KCNQ3: variants seen among roughly 807,000 people sequenced by gnomAD.
KCNQ3 encodes potassium voltage-gated channel subfamily Q member 3, also known as potassium voltage-gated channel subfamily KQT member 3.
In KCNQ3, 30 loss-of-function variants were observed where a neutral mutation model predicts 92.5. The ratio of observed to expected loss-of-function variants is 0.32; its 90% CI spans 0.24 to 0.44. The LOEUF (loss-of-function observed/expected upper bound fraction) is 0.44, where lower values mean the gene tolerates loss of function less well. Ranked by LOEUF, KCNQ3 falls within the 20% of genes least tolerant of loss-of-function variation. The probability of loss-of-function intolerance (pLI) is 1.00; values close to 1 mark genes in which losing one functional copy is unlikely to be tolerated. For missense variants in KCNQ3, 913 were observed against 1,140.3 expected (o/e 0.80, Z 2.87); for synonymous variants, 450 against 468.8 (o/e 0.96, Z 0.52).
At chr8:132,432,095 T>A (rs2673593) in intron 1 of KCNQ3, among the ~76,000 whole-genome samples, 1 of 151,980 alleles carries the variant, frequency 6.6e-6, no homozygotes, top group Non-Finnish European at 1.5e-5. Context: ...AATTTGATGC[T>A]TGTCCAAAGT....
At chr8:132,181,791 T>C (rs564772270) in intron 3 of KCNQ3, among the ~76,000 whole-genome samples, 77 of 152,200 alleles carry the variant, frequency 5.1e-4, no homozygotes, top group African/African-American at 1.3e-3. Context: ...CAGTGTCTCA[T>C]GCCTGTAATC....
chr8:132,155,866 T>C (rs192803481), intron 9 of KCNQ3, among the ~76,000 whole-genome samples: 1 of 152,304 alleles, frequency 6.6e-6, no homozygotes, highest in Non-Finnish European at 1.5e-5. Flanking sequence ...AGCAGGATTG[T>C]GATTGGACTG....
intron 1 of KCNQ3, among the ~76,000 whole-genome samples, chr8:132,203,076 G>T (rs1827511321): frequency 6.6e-6 from 1 of 152,148 alleles, no homozygotes; most frequent in East Asian, 1.9e-4. Flanking sequence ...CCATCCCAAG[G>T]TGAGAGGGAG....
At chr8:132,185,745 A>G (rs1401996157) in intron 2 of KCNQ3, among the ~76,000 whole-genome samples, 1 of 152,246 alleles carries the variant, frequency 6.6e-6, no homozygotes, top group African/African-American at 2.4e-5. Flanking sequence ...AGGAAGAAAA[A>G]GCAGAGACAG....
intron 1 of KCNQ3, among the ~76,000 whole-genome samples, chr8:132,290,859 G>A (rs1182890262): frequency 6.6e-6 from 1 of 152,170 alleles, no homozygotes; most frequent in African/African-American, 2.4e-5. Flanking sequence ...GAATACTCGA[G>A]TCCTGCAGAT....
At position 132,480,362 on chromosome 8, in the gene KCNQ3, G is replaced by A. The variant is rs758097251; in HGVS notation, c.171C>T (p.Leu57=). 8.8e-6 allele frequency: 14 copies of A among 1,588,256 alleles called. No individual in the cohort carries two copies. Among genetic ancestry groups the A allele is most frequent in the South Asian group, 1.1e-5 (1 of 88,786 alleles). Residue 57 remains leucine, a synonymous_variant, in exon 1 of 15, where the codon CTC becomes CTT. Transcript: ENST00000388996. ...TCCCGTCTTTGTCGGCTCCGGCCCC[G>A]AGCGCCAAGGTGACTTGCTCCACGT... ...PGDVEQVTLA[L]GAGADKDGTL...
At chr8:132,173,585 G>T (rs753547837) in intron 6 of KCNQ3, among the ~76,000 whole-genome samples, 1 of 152,110 alleles carries the variant, frequency 6.6e-6, no homozygotes. Flanking sequence ...TTGAAAAATT[G>T]AGATAAAAAC....
intron 1 of KCNQ3, among the ~76,000 whole-genome samples, chr8:132,200,675 G>A (rs1827431306): frequency 6.6e-6 from 1 of 152,152 alleles, no homozygotes; most frequent in Admixed American, 6.5e-5. Flanking sequence ...TATAAATTAC[G>A]AATAAAATTA....
chr8:132,187,833 T>G (rs60441423), intron 1 of KCNQ3, among the ~76,000 whole-genome samples: 8,552 of 75,874 alleles, frequency 0.11, 365 homozygotes, highest in African/African-American at 0.18. Context: ...TGGTGGTGAT[T>G]GTGGTGGTGG....
intron 3 of KCNQ3, among the ~76,000 whole-genome samples, chr8:132,181,566 C>T (rs1361112122): frequency 1.3e-5 from 2 of 151,670 alleles, no homozygotes; most frequent in Admixed American, 1.3e-4. Context: ...TCCAACAGTT[C>T]CAAGGAACAC....
intron 1 of KCNQ3, among the ~76,000 whole-genome samples, chr8:132,407,162 G>C (rs935654562): frequency 1.8e-4 from 27 of 152,166 alleles, no homozygotes; most frequent in Non-Finnish European, 3.8e-4. Context: ...TAGGCAGGAG[G>C]GCAGGGACCC....
At chr8:132,424,190 C>T (rs1018417036) in intron 1 of KCNQ3, among the ~76,000 whole-genome samples, 2 of 151,322 alleles carry the variant, frequency 1.3e-5, no homozygotes, top group Non-Finnish European at 2.9e-5. Flanking sequence ...GAATCAGCTG[C>T]TGCCTCTGAG....
chr8:132,440,511 A>C (rs1563913002), intron 1 of KCNQ3, among the ~76,000 whole-genome samples: 2 of 152,136 alleles, frequency 1.3e-5, no homozygotes, highest in African/African-American at 4.8e-5. Flanking sequence ...ATGTGCCCTG[A>C]AGAGTGAACA....
intron 3 of KCNQ3, among the ~76,000 whole-genome samples, chr8:132,183,439 G>A (rs757394160): frequency 3.9e-5 from 6 of 152,118 alleles, no homozygotes; most frequent in Non-Finnish European, 5.9e-5. Flanking sequence ...CATCAGACAC[G>A]ATGGCAAGCT....
chr8:132,244,827 C>A (rs1815110185), intron 1 of KCNQ3, among the ~76,000 whole-genome samples: 1 of 150,344 alleles, frequency 6.7e-6, no homozygotes, highest in South Asian at 2.1e-4. Context: ...TATTTACTGG[C>A]AGCTCTGGAG....
At chr8:132,170,453 C>T (rs755147978) in intron 7 of KCNQ3, 25 bp from the exon 8 acceptor site, 1 of 1,489,950 alleles carries the variant, frequency 6.7e-7, no homozygotes, top group Non-Finnish European at 9.4e-7. Context: ...AGAGGGGCAA[C>T]AATGAGTGGG....
At chr8:132,273,281 G>A (rs1457242782) in intron 1 of KCNQ3, among the ~76,000 whole-genome samples, 1 of 152,194 alleles carries the variant, frequency 6.6e-6, no homozygotes, top group Admixed American at 6.5e-5. Context: ...CTTGACTTCT[G>A]TGCACCCACA....
At chr8:132,424,887 A>G (rs1042011429) in intron 1 of KCNQ3, among the ~76,000 whole-genome samples, 1 of 152,202 alleles carries the variant, frequency 6.6e-6, no homozygotes, top group African/African-American at 2.4e-5. Flanking sequence ...TTTAGAGCCC[A>G]CCAGGTACAT....
chr8:132,360,129 T>A (rs1819125398), intron 1 of KCNQ3, among the ~76,000 whole-genome samples: 1 of 152,086 alleles, frequency 6.6e-6, no homozygotes, highest in Admixed American at 6.6e-5. Context: ...GCTTGGGGTG[T>A]CAACCACAAA....
Sources: allele counts gnomAD v4.1 joint callset (sites outside exome capture counted in the v4.1 genomes callset), GRCh38; gene constraint gnomAD v4.1.1; transcripts MANE v1.5; gene names NCBI Gene and HGNC (gene_info 2026-07-23, HGNC 2026-07-21).